HS6ST3: variants seen among roughly 807,000 people sequenced by gnomAD.
HS6ST3 encodes heparan sulfate 6-O-sulfotransferase 3.
A neutral mutation model predicts 36.7 loss-of-function variants in HS6ST3; 12 were observed. The ratio of observed to expected loss-of-function variants is 0.33; its 90% CI spans 0.21 to 0.53. The LOEUF is 0.53. Among genes scored for constraint, HS6ST3 ranks in the 20% least tolerant of loss-of-function variants. HS6ST3 has a pLI of 0.95. For missense variants in HS6ST3, 584 were observed against 640.9 expected, an observed-to-expected ratio of 0.91 and a Z score of 0.96; for synonymous variants, 240 against 257.5, an observed-to-expected ratio of 0.93 and a Z score of 0.65.
chr13:96,682,379 T>C (rs1390322129), intron 1 of HS6ST3, among the ~76,000 whole-genome samples: 1 of 152,184 alleles, frequency 6.6e-6, no homozygotes, highest in African/African-American at 2.4e-5. Flanking sequence ...GCTAAATGTT[T>C]TATTCCTCAT....
intron 1 of HS6ST3, among the ~76,000 whole-genome samples, chr13:96,642,992 C>T (rs2056575511): frequency 6.6e-6 from 1 of 151,836 alleles, no homozygotes. Context: ...GGTTGAAAAC[C>T]ACACATTTTA....
Position 96,392,661 on chromosome 13 carries a change from G to A in HS6ST3, c.707+301092G>A, listed in dbSNP as rs768341136. Among the ~76,000 whole-genome samples the A allele has an allele frequency of 1.5e-4, 23 of 152,200 alleles. 1 individual carries two copies. The highest frequency in any genetic ancestry group is 2.6e-4 in the Admixed American group (4 of 15,284). On this transcript the variant is annotated intron_variant, in intron 1 of 1. Transcript: ENST00000376705. ...CAAATGGGTGCGCAGTCTGTGCAAA[G>A]CCCCTGTGGCAAGCTGGAGAGTGGC...
chr13:96,458,702 G>A (rs1201161654), intron 1 of HS6ST3, among the ~76,000 whole-genome samples: 1 of 151,578 alleles, frequency 6.6e-6, no homozygotes, highest in African/African-American at 2.4e-5. Context: ...TGGATCATAT[G>A]TCCATTTTTT....
chr13:96,355,935 A>G (rs1180242855), intron 1 of HS6ST3, among the ~76,000 whole-genome samples: 1 of 152,174 alleles, frequency 6.6e-6, no homozygotes, highest in African/African-American at 2.4e-5. Flanking sequence ...ACTCATTGTC[A>G]TTACAACAAT....
intron 1 of HS6ST3, among the ~76,000 whole-genome samples, chr13:96,697,758 T>G (rs1053696480): frequency 3.3e-5 from 5 of 152,194 alleles, no homozygotes; most frequent in African/African-American, 1.2e-4. Flanking sequence ...ATTTCCTAAC[T>G]TTGCCAAAGT....
chr13:96,823,700 ACCTCCG>A (rs1208214416), intron 1 of HS6ST3, among the ~76,000 whole-genome samples: 1 of 151,938 alleles, frequency 6.6e-6, no homozygotes, highest in Non-Finnish European at 1.5e-5. Context: ...GCTCACTGCA[ACCTCCG>A]CCTCCCATGT....
At chr13:96,759,479 TATA>T (rs1273564419) in intron 1 of HS6ST3, among the ~76,000 whole-genome samples, 4 of 151,872 alleles carry the variant, frequency 2.6e-5, no homozygotes, top group Non-Finnish European at 4.4e-5. Flanking sequence ...CACTAGGGAT[TATA>T]ATATGTACAA....
At chr13:96,112,590 T>TATAC (rs2053874911) in intron 1 of HS6ST3, among the ~76,000 whole-genome samples, 2 of 58,762 alleles carry the variant, frequency 3.4e-5, no homozygotes, top group African/African-American at 1.1e-4. Flanking sequence ...TATATATATA[T>TATAC]ATATATATAT....
chr13:96,416,653 G>T (rs918414629), intron 1 of HS6ST3, among the ~76,000 whole-genome samples: 1 of 117,286 alleles, frequency 8.5e-6, no homozygotes, highest in African/African-American at 3.3e-5. Context: ...ACTGTAAACT[G>T]TAAGTGTATT....
chr13:96,437,642 T>C (rs891755880), intron 1 of HS6ST3, among the ~76,000 whole-genome samples: 1 of 152,214 alleles, frequency 6.6e-6, no homozygotes, highest in Non-Finnish European at 1.5e-5. Flanking sequence ...GAACTATCAA[T>C]GTCTGTTTTC....
chr13:96,221,737 T>C (rs1287521206), intron 1 of HS6ST3, among the ~76,000 whole-genome samples: 1 of 152,136 alleles, frequency 6.6e-6, no homozygotes, highest in African/African-American at 2.4e-5. Flanking sequence ...TATTGACACA[T>C]AACCCCTGGA....
chr13:96,824,989 G>A (rs1379622789), intron 1 of HS6ST3, among the ~76,000 whole-genome samples: 3 of 152,200 alleles, frequency 2.0e-5, no homozygotes, highest in Non-Finnish European at 4.4e-5. Flanking sequence ...CTAGAATAAA[G>A]ATAGTGCATG....
intron 1 of HS6ST3, among the ~76,000 whole-genome samples, chr13:96,196,349 T>C (rs1306221121): frequency 1.3e-5 from 2 of 152,140 alleles, no homozygotes; most frequent in Non-Finnish European, 2.9e-5. Flanking sequence ...GTGTATAGTC[T>C]GTTGGGATTT....
intron 1 of HS6ST3, among the ~76,000 whole-genome samples, chr13:96,629,088 C>G (rs920697540): frequency 3.3e-5 from 5 of 152,044 alleles, no homozygotes; most frequent in African/African-American, 1.2e-4. Context: ...ATTCTCTATG[C>G]TTATTTTTTT....
chr13:96,434,562 C>T (rs1390133539), intron 1 of HS6ST3, among the ~76,000 whole-genome samples: 5 of 152,090 alleles, frequency 3.3e-5, no homozygotes, highest in East Asian at 1.9e-4. Context: ...GGCACCAGGA[C>T]GTATTTCAGA....
intron 1 of HS6ST3, among the ~76,000 whole-genome samples, chr13:96,634,442 C>T (rs1294579057): frequency 6.6e-6 from 1 of 152,118 alleles, no homozygotes; most frequent in African/African-American, 2.4e-5. Flanking sequence ...AACCTTTGTC[C>T]AACAAATAAA....
intron 1 of HS6ST3, among the ~76,000 whole-genome samples, chr13:96,423,827 C>T (rs1205106793): frequency 1.3e-5 from 2 of 152,092 alleles, no homozygotes; most frequent in African/African-American, 2.4e-5. Flanking sequence ...GGGTGATGAA[C>T]ATGGAAGTAA....
At chr13:96,428,058 C>T (rs1398148192) in intron 1 of HS6ST3, among the ~76,000 whole-genome samples, 2 of 152,076 alleles carry the variant, frequency 1.3e-5, no homozygotes, top group African/African-American at 4.8e-5. Context: ...GGATATGAGA[C>T]ACATTTGAGG....
intron 1 of HS6ST3, among the ~76,000 whole-genome samples, chr13:96,742,846 G>A (rs752992092): frequency 4.0e-4 from 61 of 152,034 alleles, no homozygotes; most frequent in Middle Eastern, 6.8e-3. Flanking sequence ...ATCAGTTTTC[G>A]CTATAGCTCA....
Sources: allele counts gnomAD v4.1 joint callset (sites outside exome capture counted in the v4.1 genomes callset), GRCh38; gene constraint gnomAD v4.1.1; transcripts MANE v1.5; gene names NCBI Gene and HGNC (gene_info 2026-07-23, HGNC 2026-07-21).